Variants in GNAL observed in about 807,000 individuals in gnomAD.
The protein encoded by GNAL is G protein subunit alpha L, also known as guanine nucleotide-binding protein G(olf) subunit alpha.
A neutral mutation model predicts 55.1 loss-of-function variants in GNAL; 18 were observed. The ratio of observed to expected loss-of-function variants is 0.33; its 90% CI spans 0.23 to 0.48. GNAL has a LOEUF of 0.48. Among genes scored for constraint, GNAL ranks in the 20% least tolerant of loss-of-function variants. The pLI is 0.99. For synonymous variants in GNAL, 253 were observed against 237.0 expected, an observed-to-expected ratio of 1.07 and a Z score of -0.62; for missense variants, 412 against 614.1, an observed-to-expected ratio of 0.67 and a Z score of 3.48.
chr18:11,884,161 C>G lies in GNAL; in HGVS notation c.*3026C>G. The G allele has an allele frequency of 3.3e-6, 1 of 306,902 alleles. No individual in the cohort carries two copies. Among genetic ancestry groups the G allele is most frequent in the South Asian group, 5.1e-5 (1 of 19,738 alleles). The allele number at this position is 306,902 out of a possible 1,614,324, so 19.0% of individuals were successfully genotyped here. On this transcript the variant is annotated 3_prime_UTR_variant, in exon 12 of 12. Transcript: ENST00000334049. ...CAAGGACTGTCGTGCATGTGAGTGA[C>G]GACATTAATAGCATTTACATACTGT... is the stretch of plus-strand genomic sequence containing the variant.
chr18:11,716,915 G>A (rs1208032902), intron 1 of GNAL, among the ~76,000 whole-genome samples: 1 of 152,218 alleles, frequency 6.6e-6, no homozygotes, highest in Non-Finnish European at 1.5e-5. Context: ...GCTGCAGGTG[G>A]AGCTGCCTGC....
intron 11 of GNAL, among the ~76,000 whole-genome samples, chr18:11,877,569 A>G (rs1153773): frequency 0.53 from 80,186 of 152,002 alleles, 21,442 homozygotes; most frequent in Middle Eastern, 0.62. Context: ...CCTACAGCGT[A>G]TAGCTAGCTG....
intron 5 of GNAL, among the ~76,000 whole-genome samples, chr18:11,841,007 A>G (rs2035602572): frequency 6.6e-6 from 1 of 151,600 alleles, no homozygotes; most frequent in South Asian, 2.1e-4. Flanking sequence ...TGAATAGCCA[A>G]GATCACAGAT....
intron 4 of GNAL, among the ~76,000 whole-genome samples, chr18:11,812,941 CATT>C (rs1290262451): frequency 1.3e-5 from 2 of 151,790 alleles, no homozygotes; most frequent in East Asian, 3.9e-4. Context: ...AACTACAAAA[CATT>C]ATTGAGATAA....
intron 1 of GNAL, among the ~76,000 whole-genome samples, chr18:11,731,171 G>A (rs371520062): frequency 2.6e-5 from 4 of 152,282 alleles, no homozygotes; most frequent in South Asian, 4.1e-4. Flanking sequence ...TTTTTGAGAC[G>A]GAGTCTCACT....
intron 5 of GNAL, among the ~76,000 whole-genome samples, chr18:11,862,173 T>A (rs1312226725): frequency 6.6e-6 from 1 of 151,646 alleles, no homozygotes; most frequent in Non-Finnish European, 1.5e-5. Context: ...GAAGGCAACA[T>A]TAAAAAAAAG....
At chr18:11,711,972 T>A (rs767534273) in intron 1 of GNAL, among the ~76,000 whole-genome samples, 22 of 152,336 alleles carry the variant, frequency 1.4e-4, no homozygotes, top group Non-Finnish European at 3.1e-4. Flanking sequence ...GATTTACTGG[T>A]TTCTTTTTTC....
intron 5 of GNAL, 64 bp from the exon 6 acceptor site, chr18:11,862,331 C>G: frequency 7.6e-7 from 1 of 1,316,084 alleles, no homozygotes. Flanking sequence ...CCATTAATTT[C>G]TCCCCAACCC....
intron 5 of GNAL, among the ~76,000 whole-genome samples, chr18:11,843,407 C>A (rs1351519939): frequency 6.6e-6 from 1 of 152,112 alleles, no homozygotes; most frequent in Non-Finnish European, 1.5e-5. Context: ...CACCTGTAAT[C>A]CCAGCTACTC....
At chr18:11,787,561 G>A (rs1251716219) in intron 4 of GNAL, among the ~76,000 whole-genome samples, 2 of 152,178 alleles carry the variant, frequency 1.3e-5, no homozygotes, top group Non-Finnish European at 2.9e-5. Flanking sequence ...TTACCTGAGA[G>A]CTATTTTCAT....
At chr18:11,792,892 A>G (rs1483120064) in intron 4 of GNAL, among the ~76,000 whole-genome samples, 1 of 152,236 alleles carries the variant, frequency 6.6e-6, no homozygotes, top group East Asian at 1.9e-4. Context: ...AGGTATGTTT[A>G]TATAGTTGGA....
rs1183403968 is a variant in GNAL, at chr18:11,749,143, A to C, written c.377-3710A>C. On this transcript the variant is annotated intron_variant, in intron 1 of 11. Coordinates refer to ENST00000334049, the MANE Select transcript of GNAL (RefSeq NM_182978.4). ...TCCATCTCAAAAAAAAAAAAAAAAA[A>C]AAAAAAAACCTCACCTTCTGACTGC... Among the ~76,000 whole-genome samples the C allele has an allele frequency of 6.9e-3, 1,051 of 151,724 alleles. 9 individuals are homozygous for C. Among genetic ancestry groups the C allele is most frequent in the Non-Finnish European group, 0.01 (694 of 67,872 alleles).
Position 11,884,948 on chromosome 18 carries a change from G to A in GNAL, c.*3813G>A. 1 of 1,290,482 alleles carries A rather than the reference G, an allele frequency of 7.7e-7. No homozygotes were observed. The highest frequency in any genetic ancestry group is 1.3e-5 in the South Asian group (1 of 74,530). 79.9% of individuals were successfully genotyped at this position (1,290,482 alleles called of 1,614,324 possible). The stretch of plus-strand genomic sequence containing the variant: ...GTGGGGGATCCATAACAGAGATTCA[G>A]AGAGGCACCGTGGAGTTCCAGGGTC... On this transcript the variant is annotated 3_prime_UTR_variant, in exon 12 of 12. Coordinates refer to ENST00000334049, the MANE Select transcript of GNAL (RefSeq NM_182978.4).
intron 1 of GNAL, among the ~76,000 whole-genome samples, chr18:11,701,560 T>C (rs1216012026): frequency 2.5e-5 from 2 of 79,904 alleles, no homozygotes; most frequent in Middle Eastern, 9.1e-3. Context: ...AGCAAGAATC[T>C]CAAAAAAAAA....
intron 1 of GNAL, among the ~76,000 whole-genome samples, chr18:11,695,798 A>G (rs1333582361): frequency 6.6e-6 from 1 of 152,056 alleles, no homozygotes; most frequent in Non-Finnish European, 1.5e-5. Flanking sequence ...GAAGGAAGCA[A>G]TCTCTTTGGG....
chr18:11,771,453 G>C (rs1183056228), intron 4 of GNAL, among the ~76,000 whole-genome samples: 2 of 151,960 alleles, frequency 1.3e-5, no homozygotes, highest in Non-Finnish European at 2.9e-5. Flanking sequence ...TATGTGTCAG[G>C]AACTATGTTC....
rs1401501456 is a variant in GNAL, at chr18:11,884,926, G to A, written c.*3791G>A. On this transcript the variant is annotated 3_prime_UTR_variant, in exon 12 of 12. Coordinates refer to ENST00000334049, the MANE Select transcript of GNAL (RefSeq NM_182978.4). ...CACTGGGTTCCCATCAAATATAGTGGGGGATCCATAACAGAGATTCAGAGA... is the reference window on the plus strand; with the variant it reads ...CACTGGGTTCCCATCAAATATAGTGAGGGATCCATAACAGAGATTCAGAGA... 1.6e-6 allele frequency: 2 copies of A among 1,290,246 alleles called. No individual in the cohort carries two copies. The highest frequency in any genetic ancestry group is 3.0e-5 in the African/African-American group (2 of 66,104). The allele number at this position is 1,290,246 out of a possible 1,614,324, so 79.9% of individuals were successfully genotyped here.
chr18:11,782,735 A>AT (rs1332172629), intron 4 of GNAL, among the ~76,000 whole-genome samples: 1 of 152,240 alleles, frequency 6.6e-6, no homozygotes, highest in African/African-American at 2.4e-5. Context: ...ACTGTGTGTC[A>AT]TTAACCAGAT....
chr18:11,802,208 G>C (rs2034539660), intron 4 of GNAL, among the ~76,000 whole-genome samples: 1 of 152,158 alleles, frequency 6.6e-6, no homozygotes, highest in Non-Finnish European at 1.5e-5. Flanking sequence ...CCTTTTGCTG[G>C]CCACTTATTT....
Sources: allele counts gnomAD v4.1 joint callset (sites outside exome capture counted in the v4.1 genomes callset), GRCh38; gene constraint gnomAD v4.1.1; transcripts MANE v1.5; gene names NCBI Gene and HGNC (gene_info 2026-07-23, HGNC 2026-07-21).